The following VPS13D variants were observed in gnomAD, a reference collection of about 807,000 sequenced individuals.
VPS13D encodes the protein intermembrane lipid transfer protein VPS13D.
In VPS13D, 187 loss-of-function variants were observed where a neutral mutation model predicts 461.9. The observed-to-expected ratio is 0.40, with a 90% CI of 0.36 to 0.46. VPS13D has a LOEUF of 0.46. Among genes scored for constraint, VPS13D ranks in the 20% least tolerant of loss-of-function variants. The pLI is 0.60. For synonymous variants in VPS13D, 1,951 were observed against 1,986.3 expected (o/e 0.98, Z 0.47); for missense variants, 4,711 against 5,364.9 (o/e 0.88, Z 3.81).
At chr1:12,445,354 G>C (rs1411314509) in intron 65 of VPS13D, among the ~76,000 whole-genome samples, 2 of 152,196 alleles carry the variant, frequency 1.3e-5, no homozygotes, top group Non-Finnish European at 2.9e-5. Flanking sequence ...ATCAGGATAG[G>C]CCGTGTAGCC....
chr1:12,249,169 T>C, intron 5 of VPS13D, 54 bp from the exon 6 acceptor site: 3 of 1,403,672 alleles, frequency 2.1e-6, no homozygotes, highest in Non-Finnish European at 2.0e-6. Context: ...TTTCTTTTCT[T>C]TGGAACACTA....
At chr1:12,360,879 G>A (rs541622862) in intron 50 of VPS13D, among the ~76,000 whole-genome samples, 3 of 152,258 alleles carry the variant, frequency 2.0e-5, no homozygotes, top group East Asian at 1.9e-4. Flanking sequence ...TATGACAGCC[G>A]GTTGTCAAAT....
intron 32 of VPS13D, among the ~76,000 whole-genome samples, chr1:12,319,831 A>G (rs72866661): frequency 0.014 from 2,159 of 152,330 alleles, 41 homozygotes; most frequent in African/African-American, 0.048. Flanking sequence ...GTGTTAGTCT[A>G]TAAATATGCA....
chr1:12,273,115 T>A lies in VPS13D; in HGVS notation c.2216T>A (p.Met739Lys). Residue 739 changes from methionine to lysine, a missense_variant, in exon 18 of 70, where the codon ATG becomes AAG. This residue lies in a region of VPS13D where 4,411 missense variants were observed against 4,937.8 expected (regional missense o/e 0.89). Transcript: ENST00000620676. Reference protein sequence around the residue: ...PVLVVVDLGRMLLTNTQDNSR... With the variant: ...PVLVVVDLGRKLLTNTQDNSR... The stretch of plus-strand genomic sequence containing the variant: ...TTAGTTGTCGTGGATCTAGGAAGAA[T>A]GCTTTTGACGAACACCCAAGGTATA... 6.2e-7 allele frequency: 1 copy of A among 1,614,094 alleles called. No homozygotes were observed. The highest frequency in any genetic ancestry group is 8.5e-7 in the Non-Finnish European group (1 of 1,179,982).
At chr1:12,266,852 G>C in intron 13 of VPS13D, 29 bp from the exon 14 acceptor site, 1 of 1,516,250 alleles carries the variant, frequency 6.6e-7, no homozygotes, top group Non-Finnish European at 8.9e-7. Context: ...CATAAGCATT[G>C]TATCAACTAT....
chr1:12,427,311 C>T (rs182457471), intron 65 of VPS13D, among the ~76,000 whole-genome samples: 3 of 149,116 alleles, frequency 2.0e-5, no homozygotes, highest in South Asian at 2.1e-4. Context: ...GATGAAGAAA[C>T]GGAGACCCAG....
intron 66 of VPS13D, among the ~76,000 whole-genome samples, chr1:12,459,485 T>C (rs1308031495): frequency 6.7e-6 from 1 of 148,842 alleles, no homozygotes; most frequent in African/African-American, 2.5e-5. Flanking sequence ...TTCTTTTCTT[T>C]TTTTTTTTTT....
chr1:12,479,072 G>A (rs1328889295), intron 67 of VPS13D, among the ~76,000 whole-genome samples: 1 of 152,208 alleles, frequency 6.6e-6, no homozygotes, highest in Non-Finnish European at 1.5e-5. Context: ...GAGGCCGGTG[G>A]CCCCATGGGA....
chr1:12,304,414 T>C, intron 25 of VPS13D, 92 bp from the exon 26 acceptor site: 2 of 1,184,268 alleles, frequency 1.7e-6, no homozygotes, highest in African/African-American at 1.5e-5. Context: ...GGGACTGGGA[T>C]AGGACTTTGG....
In VPS13D at chr1:12,356,052, T is replaced by A. The variant is rs1181287737; in HGVS notation, c.9833T>A (p.Ile3278Asn). Residue 3278 changes from isoleucine (I) to asparagine (N), a missense_variant, in exon 48 of 70, where the codon ATC becomes AAC. Transcript: ENST00000620676. ...IVCRAEGSLK[I>N]FISAPYWLIN... ...TGTCGAGCAGAAGGATCCTTAAAGA[T>A]CTTCATTTCTGCTCCATATTGGCTG... 6.2e-7 allele frequency: 1 copy of A among 1,613,640 alleles called. No individual in the cohort carries two copies.
In VPS13D at chr1:12,456,062, A is replaced by G; in HGVS notation, c.12398A>G (p.Glu4133Gly). The change falls in exon 66 of 70, where the codon GAG (glutamate) becomes GGG (glycine). Residue 4133 changes from glutamate to glycine, a missense_variant. By Grantham distance (98) the Glu-to-Gly change is moderately conservative. This residue lies in a region of VPS13D where 106 missense variants were observed against 206.2 expected (regional missense o/e 0.51). Coordinates refer to ENST00000620676, the MANE Select transcript of VPS13D (RefSeq NM_015378.4). The part of the protein sequence containing the change: ...TMDNRHQSER[E>G]YIRYHAATSG... ...GACAATCGGCATCAGTCAGAGCGGG[A>G]GTACATCAGGTACCATGCAGCCACA... is the stretch of plus-strand genomic sequence containing the variant. 1 of 1,614,046 alleles carries G rather than the reference A, an allele frequency of 6.2e-7. No homozygotes were observed. Among genetic ancestry groups the G allele is most frequent in the Non-Finnish European group, 8.5e-7 (1 of 1,179,956 alleles).
chr1:12,271,029 G>T lies in VPS13D; in HGVS notation c.2008G>T (p.Ala670Ser), dbSNP rs757012448. 1.9e-5 allele frequency: 31 copies of T among 1,613,780 alleles called. No individual in the cohort carries two copies. In the Admixed American group the frequency reaches 3.0e-4, roughly 16 times the overall value. The change falls in exon 17 of 70, where the codon GCT becomes TCT. Residue 670 changes from alanine (A) to serine (S), a missense_variant. Transcript: ENST00000620676. The stretch of plus-strand genomic sequence containing the variant: ...TCAGTCTGAACTTGAGCTGAGAGTG[G>T]CTGAAGCTGCCCGAAGACAATATAA... ...GYQSELELRV[A>S]EAARRQYNKL...
intron 57 of VPS13D, among the ~76,000 whole-genome samples, chr1:12,382,157 A>G (rs1427340803): frequency 1.3e-5 from 2 of 150,754 alleles, no homozygotes; most frequent in Non-Finnish European, 2.9e-5. Context: ...GCTGGAGTAC[A>G]ATAGCACAAT....
At chr1:12,355,837 G>T (rs1468080234) in intron 47 of VPS13D, 62 bp from the exon 48 acceptor site, 5 of 1,432,646 alleles carry the variant, frequency 3.5e-6, no homozygotes, top group Non-Finnish European at 4.6e-6. Flanking sequence ...ATTTACTTTT[G>T]CTGTGAGCTA....
At chr1:12,358,240 T>C (rs2101606707) in intron 49 of VPS13D, among the ~76,000 whole-genome samples, 1 of 152,326 alleles carries the variant, frequency 6.6e-6, no homozygotes, top group Middle Eastern at 3.4e-3. Context: ...TAGATGTCAG[T>C]AAATTTCACA....
At chr1:12,367,282 C>A (rs900321140) in intron 52 of VPS13D, among the ~76,000 whole-genome samples, 3 of 152,206 alleles carry the variant, frequency 2.0e-5, no homozygotes, top group Admixed American at 6.5e-5. Flanking sequence ...GCTATACTTT[C>A]TATGTGATGC....
At chr1:12,335,622 C>T (rs1643432099) in intron 38 of VPS13D, 83 bp from the exon 39 acceptor site, 1 of 1,507,458 alleles carries the variant, frequency 6.6e-7, no homozygotes, top group Non-Finnish European at 8.9e-7. Flanking sequence ...TCAATAAAAG[C>T]TTGTTTTGCT....
chr1:12,386,264 C>T lies in VPS13D; in HGVS notation c.11564C>T (p.Thr3855Ile). Residue 3855 changes from threonine to isoleucine, a missense_variant, in exon 60 of 70, where the codon ACA (threonine) becomes ATA (isoleucine). Coordinates refer to ENST00000620676, the MANE Select transcript of VPS13D (RefSeq NM_015378.4). Reference sequence around the variant, plus strand: ...GAAGAACTGGTCTTTGCAAGTCTTACAGGAATCAATGTGCACTATACACAG... The same window carrying T: ...GAAGAACTGGTCTTTGCAAGTCTTATAGGAATCAATGTGCACTATACACAG... ...VPEELVFASL[T>I]GINVHYTQLA... The T allele has an allele frequency of 6.2e-7, 1 of 1,613,712 alleles. No homozygotes were observed. The highest frequency in any genetic ancestry group is 8.5e-7 in the Non-Finnish European group (1 of 1,179,854).
chr1:12,270,952 G>A (rs773634492), intron 16 of VPS13D, 42 bp from the exon 17 acceptor site: 69 of 1,603,188 alleles, frequency 4.3e-5, no homozygotes, highest in Middle Eastern at 1.7e-4. Flanking sequence ...TCACCCAGCC[G>A]TGTGAAAATT....
Sources: allele counts gnomAD v4.1 joint callset (sites outside exome capture counted in the v4.1 genomes callset), GRCh38; gene constraint gnomAD v4.1.1; regional missense constraint gnomAD v4.1.1; transcripts MANE v1.5; gene names NCBI Gene and HGNC (gene_info 2026-07-23, HGNC 2026-07-21).